MED12L: variants seen among roughly 807,000 people sequenced by gnomAD.
The protein encoded by MED12L is mediator of RNA polymerase II transcription subunit 12-like protein.
In MED12L, 60 loss-of-function variants were observed where a neutral mutation model predicts 281.3. The ratio of observed to expected loss-of-function variants is 0.21; its 90% CI spans 0.17 to 0.26. MED12L has a LOEUF of 0.26. Ranked by LOEUF, MED12L falls within the 10% of genes least tolerant of loss-of-function variation. MED12L has a pLI of 1.00. For synonymous variants in MED12L, 974 were observed against 987.2 expected, an observed-to-expected ratio of 0.99 and a Z score of 0.25; for missense variants, 2,146 against 2,680.9, an observed-to-expected ratio of 0.80 and a Z score of 4.41.
intron 16 of MED12L, among the ~76,000 whole-genome samples, chr3:151,229,975 T>C (rs1308900439): frequency 6.6e-6 from 1 of 152,056 alleles, no homozygotes; most frequent in African/African-American, 2.4e-5. Context: ...TTTTGTTTTT[T>C]GTTTTTGTTT....
At position 151,348,719 on chromosome 3, in the gene MED12L, G is replaced by A. The variant is rs188991338; in HGVS notation, c.2251-1340G>A. ...GGAACCAGTGCAATGGGAAGCAGTGGCAAGTGTGTCCCTGAGAAAGACAGA... is the reference window on the plus strand; with the variant it reads ...GGAACCAGTGCAATGGGAAGCAGTGACAAGTGTGTCCCTGAGAAAGACAGA... On this transcript the variant is annotated intron_variant, in intron 16 of 44. Coordinates refer to ENST00000687756, the MANE Select transcript of MED12L (RefSeq NM_001393769.1). 2.2e-3 allele frequency among the ~76,000 whole-genome samples: 329 copies of A among 152,240 alleles called. 1 individual carries two copies. Among genetic ancestry groups the A allele is most frequent in the African/African-American group, 7.6e-3 (316 of 41,546 alleles).
intron 16 of MED12L, among the ~76,000 whole-genome samples, chr3:151,220,591 T>G (rs1270342575): frequency 6.6e-6 from 1 of 152,164 alleles, no homozygotes; most frequent in Admixed American, 6.5e-5. Context: ...GTGCTGTTCT[T>G]GTGATAGTGA....
intron 16 of MED12L, chr3:151,340,447 T>C (rs1485371303): frequency 6.6e-6 from 1 of 152,534 alleles, no homozygotes; most frequent in Non-Finnish European, 1.5e-5. Flanking sequence ...TAATTAGACT[T>C]CTATTTTAAT....
intron 16 of MED12L, among the ~76,000 whole-genome samples, chr3:151,194,242 C>T (rs56368701): frequency 0.052 from 7,990 of 152,238 alleles, 235 homozygotes; most frequent in Middle Eastern, 0.095. Flanking sequence ...GCTGGGATTA[C>T]AGGCGTGAGC....
intron 22 of MED12L, among the ~76,000 whole-genome samples, 167 bp from the exon 23 acceptor site, chr3:151,365,680 ATCT>A (rs1755188448): frequency 6.6e-6 from 1 of 152,218 alleles, no homozygotes; most frequent in African/African-American, 2.4e-5. Context: ...AGCCATTGTT[ATCT>A]TCTTCTCAAG....
intron 16 of MED12L, among the ~76,000 whole-genome samples, chr3:151,335,894 A>G (rs1295260953): frequency 6.6e-6 from 1 of 152,216 alleles, no homozygotes; most frequent in African/African-American, 2.4e-5. Flanking sequence ...TTACTAAAAT[A>G]CCATATTACT....
At chr3:151,152,325 C>T (rs1718662692) in intron 5 of MED12L, among the ~76,000 whole-genome samples, 1 of 151,952 alleles carries the variant, frequency 6.6e-6, no homozygotes, top group Non-Finnish European at 1.5e-5. Context: ...TGGCCTCAAA[C>T]TCCTAGTCTC....
At chr3:151,103,596 A>G (rs758180410) in intron 2 of MED12L, among the ~76,000 whole-genome samples, 2 of 152,230 alleles carry the variant, frequency 1.3e-5, no homozygotes, top group African/African-American at 4.8e-5. Context: ...TGCTGGTCAT[A>G]CAAAAGATCA....
intron 11 of MED12L, among the ~76,000 whole-genome samples, chr3:151,182,729 A>T (rs1302170865): frequency 6.6e-6 from 1 of 152,124 alleles, no homozygotes; most frequent in Admixed American, 6.5e-5. Flanking sequence ...TTTCTAAGAG[A>T]AAGTTCACAG....
chr3:151,358,056 T>G (rs1039172216), intron 20 of MED12L, among the ~76,000 whole-genome samples: 23 of 152,176 alleles, frequency 1.5e-4, no homozygotes, highest in Non-Finnish European at 2.5e-4. Flanking sequence ...TTCTCTTCAG[T>G]TTTTCCTTCT....
At chr3:151,194,256 C>T (rs530109395) in intron 16 of MED12L, among the ~76,000 whole-genome samples, 4 of 152,186 alleles carry the variant, frequency 2.6e-5, no homozygotes, top group East Asian at 1.9e-4. Flanking sequence ...CGTGAGCCAC[C>T]GTGCCAGGCG....
rs112230473 is a variant in MED12L at position 151,333,524 on chromosome 3, A to G, written c.2251-16535A>G. Among the ~76,000 whole-genome samples the G allele has an allele frequency of 2.0e-5, 3 of 152,218 alleles. No individual in the cohort carries two copies. The East Asian group carries it at 5.8e-4, about 29-fold the overall frequency. ...AATCAAATTTAAAATCAGTTATGCT[A>G]CATAAATTTACCATAGTTAAGCTGC... On this transcript the variant is annotated intron_variant, in intron 16 of 44. Coordinates refer to ENST00000687756, the MANE Select transcript of MED12L (RefSeq NM_001393769.1).
chr3:151,353,026 C>T (rs186815108), intron 17 of MED12L, among the ~76,000 whole-genome samples: 2 of 152,102 alleles, frequency 1.3e-5, no homozygotes, highest in Non-Finnish European at 2.9e-5. Flanking sequence ...TTACATTTTG[C>T]TGTTAAAATG....
In MED12L at chr3:151,193,636, A is replaced by G. The variant is rs1256893590; in HGVS notation, c.2220A>G (p.Leu740=). 2 of 1,613,954 alleles carry G rather than the reference A, an allele frequency of 1.2e-6. No individual in the cohort carries two copies. Among genetic ancestry groups the G allele is most frequent in the African/African-American group, 2.7e-5 (2 of 74,956 alleles). The part of the protein sequence containing the change: ...FPSNYDLLRH[L]QYATHFPIPL... ...CTAATTATGACCTCCTTCGCCACTT[A>G]CAGTATGCAACACATTTTCCTATAC... is the stretch of plus-strand genomic sequence containing the variant. The change falls in exon 16 of 45, where the codon TTA becomes TTG. Residue 740 remains leucine (L), a synonymous_variant. Transcript: ENST00000687756.
intron 33 of MED12L, 49 bp downstream of exon 33, chr3:151,382,794 G>GA (rs1712625720): frequency 7.0e-7 from 1 of 1,436,448 alleles, no homozygotes; most frequent in East Asian, 2.4e-5. Flanking sequence ...ATTTACATGT[G>GA]AAAATACCTC....
chr3:151,427,723 G>T (rs1577629883), intron 43 of MED12L, among the ~76,000 whole-genome samples: 1 of 152,212 alleles, frequency 6.6e-6, no homozygotes, highest in South Asian at 2.1e-4. Context: ...TCATGGATAG[G>T]CTTGAGGGGA....
intron 8 of MED12L, among the ~76,000 whole-genome samples, chr3:151,162,630 G>T (rs1418950472): frequency 6.6e-6 from 1 of 152,012 alleles, no homozygotes; most frequent in Admixed American, 6.6e-5. Context: ...TTAGAGATGG[G>T]GTTTCACTGT....
At chr3:151,135,377 G>A (rs1419374708) in intron 5 of MED12L, among the ~76,000 whole-genome samples, 2 of 152,168 alleles carry the variant, frequency 1.3e-5, no homozygotes, top group African/African-American at 4.8e-5. Flanking sequence ...AACAGTGACT[G>A]GCATACAGTA....
intron 17 of MED12L, among the ~76,000 whole-genome samples, chr3:151,352,103 C>G (rs992905684): frequency 6.6e-6 from 1 of 152,098 alleles, no homozygotes; most frequent in Non-Finnish European, 1.5e-5. Context: ...ACATGAAACT[C>G]ATTTATGTTT....
Sources: allele counts gnomAD v4.1 joint callset (sites outside exome capture counted in the v4.1 genomes callset), GRCh38; gene constraint gnomAD v4.1.1; transcripts MANE v1.5; gene names NCBI Gene and HGNC (gene_info 2026-07-23, HGNC 2026-07-21).